FAM117A: variants seen among roughly 807,000 people sequenced by gnomAD.
The protein encoded by FAM117A is protein FAM117A.
Under a neutral mutation model 44.1 loss-of-function variants are expected in FAM117A, and 21 were observed. The ratio of observed to expected loss-of-function variants is 0.48; its 90% CI spans 0.34 to 0.69. FAM117A has a LOEUF of 0.69. FAM117A is among the 30% of genes least tolerant of loss of function. FAM117A has a pLI of 0.01. For missense variants in FAM117A, 498 were observed against 589.9 expected (o/e 0.84, Z 1.61); for synonymous variants, 220 against 238.3 (o/e 0.92, Z 0.71).
In FAM117A at chr17:49,711,472, C is replaced by T; in HGVS notation, c.1145G>A (p.Cys382Tyr). ...GAGGGGCTTCATCAGGTTGACGGGG[C>T]AGAAGGCTGAGCCAGTCGGGTTGAA... Reference protein sequence around the residue: ...VHFNPTGSAFCPVNLMKPLFP... With the variant: ...VHFNPTGSAFYPVNLMKPLFP... Residue 382 changes from cysteine (C) to tyrosine (Y), a missense_variant, in exon 8 of 8, where the codon TGC (cysteine) becomes TAC (tyrosine). Cys to Tyr is a radical substitution (Grantham distance 194, BLOSUM62 -2). Around this residue, in one of 3 missense-constraint regions of FAM117A, gnomAD observed 224 missense variants for 296.5 expected, o/e 0.76. Coordinates refer to ENST00000240364, the MANE Select transcript of FAM117A (RefSeq NM_030802.4). 6.2e-7 allele frequency: 1 copy of T among 1,613,988 alleles called. No homozygotes were observed. The highest frequency in any genetic ancestry group is 1.3e-5 in the African/African-American group (1 of 74,998).
chr17:49,766,962 G>A (rs1310348379), upstream of FAM117A, among the ~76,000 whole-genome samples: 1 of 152,306 alleles, frequency 6.6e-6, no homozygotes, highest in South Asian at 2.1e-4. Context: ...AAAAGAGGCA[G>A]TGGAGGTGGT....
In FAM117A at chr17:49,713,362, C is replaced by A. The variant is rs547741581; in HGVS notation, c.1062-1807G>T. Among the ~76,000 whole-genome samples, 11 of 152,250 alleles carry A rather than the reference C, an allele frequency of 7.2e-5. 1 individual carries two copies. The South Asian group carries it at 2.3e-3, about 32-fold the overall frequency. On this transcript the variant is annotated intron_variant, in intron 7 of 7. Coordinates refer to ENST00000240364, the MANE Select transcript of FAM117A (RefSeq NM_030802.4). The stretch of plus-strand genomic sequence containing the variant: ...CTAAGAAGCTGACGGTTTGAAAATC[C>A]CAGGTGAGAAGACAAAGGTATGGGA...
chr17:49,738,773 C>T (rs553984972), intron 1 of FAM117A, among the ~76,000 whole-genome samples: 48 of 152,270 alleles, frequency 3.2e-4, no homozygotes, highest in Middle Eastern at 3.4e-3. Context: ...ACCATATTTC[C>T]TTTAAGCCTA....
At chr17:49,732,364 C>T (rs952035585) in intron 2 of FAM117A, 187 bp downstream of exon 2, 4 of 527,410 alleles carry the variant, frequency 7.6e-6, no homozygotes, top group Non-Finnish European at 1.3e-5. Context: ...AAGATCGCAC[C>T]ACTGCACTCC....
chr17:49,761,812 T>TA (rs1231395326), intron 1 of FAM117A, among the ~76,000 whole-genome samples: 1 of 152,212 alleles, frequency 6.6e-6, no homozygotes, highest in Non-Finnish European at 1.5e-5. Context: ...TACATTCCCC[T>TA]AATGCCTGGC....
At position 49,719,854 on chromosome 17, in the gene FAM117A, C is replaced by A; in HGVS notation, c.614G>T (p.Arg205Leu). 1.2e-6 allele frequency: 2 copies of A among 1,607,482 alleles called. No individual in the cohort carries two copies. Among genetic ancestry groups the A allele is most frequent in the Non-Finnish European group, 1.7e-6 (2 of 1,178,016 alleles). The change falls in exon 5 of 8, where the codon CGA (arginine) becomes CTA (leucine). Residue 205 changes from arginine (R) to leucine (L), a missense_variant. Around this residue, in one of 3 missense-constraint regions of FAM117A, gnomAD observed 270 missense variants for 277.4 expected, o/e 0.97. Transcript: ENST00000240364. Reference protein sequence around the residue: ...PSFPSGSPVLRLSPCLHRSLE... With the variant: ...PSFPSGSPVLLLSPCLHRSLE... ...GCTCCTGTGCAGGCAGGGGCTGAGT[C>A]GCAAGACAGGGGACCCTGAGGGGAA...
intron 1 of FAM117A, among the ~76,000 whole-genome samples, chr17:49,740,306 G>A (rs182982330): frequency 1.3e-5 from 2 of 151,358 alleles, no homozygotes; most frequent in African/African-American, 4.9e-5. Flanking sequence ...GGAGTGCAGT[G>A]GCGCGATCTC....
intron 1 of FAM117A, among the ~76,000 whole-genome samples, chr17:49,782,249 C>T (rs1314687185): frequency 1.3e-5 from 2 of 151,118 alleles, no homozygotes; most frequent in African/African-American, 2.4e-5. Context: ...TGGTGGTGGG[C>T]GCCTGTAGTC....
At chr17:49,786,669 C>T (rs374598507) in intron 1 of FAM117A, among the ~76,000 whole-genome samples, 4 of 151,726 alleles carry the variant, frequency 2.6e-5, no homozygotes, top group Admixed American at 6.6e-5. Context: ...CTCAGCTACT[C>T]GGGAGGTTGA....
At chr17:49,764,152 C>A (rs2073736186), upstream of FAM117A, 2 of 816,840 alleles carry the variant, frequency 2.4e-6, no homozygotes, top group Admixed American at 6.4e-5. Flanking sequence ...CCCCCGAGGC[C>A]GCTGCTTATC....
chr17:49,748,810 C>T (rs2073663729), intron 1 of FAM117A, among the ~76,000 whole-genome samples: 1 of 152,104 alleles, frequency 6.6e-6, no homozygotes. Context: ...TGGGGGAAAA[C>T]ATCAGTAAGC....
chr17:49,761,212 C>T (rs1025367141), intron 1 of FAM117A, among the ~76,000 whole-genome samples: 1 of 152,152 alleles, frequency 6.6e-6, no homozygotes, highest in African/African-American at 2.4e-5. Flanking sequence ...AGCTCACATG[C>T]CTTTTTAAAC....
chr17:49,777,996 C>A lies in FAM117A; in HGVS notation c.-621+10501G>T, dbSNP rs555020021. Among the ~76,000 whole-genome samples, 26 of 152,254 alleles carry A rather than the reference C, an allele frequency of 1.7e-4. No homozygotes were observed. The South Asian group carries it at 4.6e-3, about 27-fold the overall frequency. On this transcript the variant is annotated intron_variant, in intron 1 of 7. Coordinates refer to the FAM117A transcript ENST00000513602. ...CAGCTTAGAATTTGGTCCTTCCTGG[C>A]GGGAAGAAGATGCACTTTGTGGGAG...
intron 3 of FAM117A, among the ~76,000 whole-genome samples, 175 bp downstream of exon 3, chr17:49,722,324 C>G (rs2073538591): frequency 6.6e-6 from 1 of 152,192 alleles, no homozygotes; most frequent in Non-Finnish European, 1.5e-5. Flanking sequence ...CTCCTAAGAC[C>G]TGGCCACTTG....
At chr17:49,722,790 C>G (rs1451221413) in intron 2 of FAM117A, among the ~76,000 whole-genome samples, 196 bp from the exon 3 acceptor site, 1 of 152,198 alleles carries the variant, frequency 6.6e-6, no homozygotes, top group Non-Finnish European at 1.5e-5. Flanking sequence ...TGTCCTCCAG[C>G]AAACATTCCC....
At chr17:49,727,697 G>A (rs2073566215) in intron 2 of FAM117A, among the ~76,000 whole-genome samples, 2 of 152,046 alleles carry the variant, frequency 1.3e-5, no homozygotes, top group African/African-American at 4.8e-5. Context: ...AGGAGGAGGG[G>A]CGGGATGAAG....
At chr17:49,783,192 T>C (rs1369607084) in intron 1 of FAM117A, among the ~76,000 whole-genome samples, 4 of 152,234 alleles carry the variant, frequency 2.6e-5, no homozygotes, top group Admixed American at 2.6e-4. Context: ...AGGCCTCTGC[T>C]GCCATAACAA....
intron 1 of FAM117A, among the ~76,000 whole-genome samples, chr17:49,739,490 C>T (rs1157867973): frequency 6.6e-6 from 1 of 152,178 alleles, no homozygotes; most frequent in South Asian, 2.1e-4. Flanking sequence ...CAATAGAGAA[C>T]GTCCCCTAAG....
At chr17:49,733,418 C>T (rs1462084105) in intron 1 of FAM117A, among the ~76,000 whole-genome samples, 1 of 152,168 alleles carries the variant, frequency 6.6e-6, no homozygotes, top group Non-Finnish European at 1.5e-5. Flanking sequence ...GTGGCTCATG[C>T]TTGTAATCCC....
Sources: gnomAD v4.1 joint callset for allele counts (sites outside exome capture counted in the v4.1 genomes callset) on GRCh38, gnomAD v4.1.1 for gene constraint, gnomAD v4.1.1 regional missense constraint, MANE v1.5 for transcripts, NCBI Gene and HGNC (gene_info 2026-07-23, HGNC 2026-07-21) for gene names.